The following APBA1 variants were observed in gnomAD, a reference collection of about 807,000 sequenced individuals.
The protein encoded by APBA1 is amyloid-beta A4 precursor protein-binding family A member 1.
In APBA1, 55 loss-of-function variants were observed where a neutral mutation model predicts 86.6. The ratio of observed to expected loss-of-function variants is 0.64; its 90% confidence interval spans 0.51 to 0.80. The LOEUF (loss-of-function observed/expected upper bound fraction) is 0.80. Among genes scored for constraint, APBA1 ranks in the 30% least tolerant of loss-of-function variants. The pLI is 0.00. For missense variants in APBA1, 1,090 were observed against 1,183.0 expected (o/e 0.92, Z 1.15); for synonymous variants, 511 against 493.9 (o/e 1.03, Z -0.46).
At chr9:69,577,373 A>C (rs950720749) in intron 1 of APBA1, among the ~76,000 whole-genome samples, 3 of 152,184 alleles carry the variant, frequency 2.0e-5, no homozygotes, top group African/African-American at 7.2e-5. Flanking sequence ...AAAACTAGGA[A>C]GCTCTGGACT....
chr9:69,468,502 A>T (rs1392073764), intron 4 of APBA1, among the ~76,000 whole-genome samples: 2 of 152,226 alleles, frequency 1.3e-5, no homozygotes, highest in Non-Finnish European at 2.9e-5. Flanking sequence ...GAAAAATAGG[A>T]TATCTGTTTC....
intron 2 of APBA1, among the ~76,000 whole-genome samples, chr9:69,506,478 G>A (rs1257596261): frequency 1.2e-5 from 1 of 86,572 alleles, no homozygotes; most frequent in Non-Finnish European, 2.3e-5. Flanking sequence ...CAAGGCAGCA[G>A]CGAGGCTCGG....
At chr9:69,588,083 T>C (rs543627280) in intron 1 of APBA1, among the ~76,000 whole-genome samples, 1 of 147,650 alleles carries the variant, frequency 6.8e-6, no homozygotes, top group Non-Finnish European at 1.5e-5. Flanking sequence ...GTGAGGTAGG[T>C]GAAAGAAGCA....
intron 1 of APBA1, among the ~76,000 whole-genome samples, chr9:69,596,077 T>C (rs571830606): frequency 6.6e-6 from 1 of 152,270 alleles, no homozygotes; most frequent in African/African-American, 2.4e-5. Flanking sequence ...AATCTTTAAC[T>C]CTTTGGCTCA....
At chr9:69,580,117 C>T (rs1356428335) in intron 1 of APBA1, among the ~76,000 whole-genome samples, 1 of 152,202 alleles carries the variant, frequency 6.6e-6, no homozygotes, top group Non-Finnish European at 1.5e-5. Flanking sequence ...AAGCTGTGGT[C>T]TGTGTCCTTG....
chr9:69,533,957 T>C (rs1410077623), intron 1 of APBA1, among the ~76,000 whole-genome samples: 1 of 152,066 alleles, frequency 6.6e-6, no homozygotes, highest in Non-Finnish European at 1.5e-5. Context: ...CCCACCATAA[T>C]CCCAATGGAT....
intron 1 of APBA1, among the ~76,000 whole-genome samples, chr9:69,600,117 G>A (rs971515778): frequency 2.0e-5 from 3 of 152,156 alleles, no homozygotes; most frequent in Admixed American, 6.5e-5. Flanking sequence ...CAGGAAGAGA[G>A]GCTATTTCAA....
intron 5 of APBA1, among the ~76,000 whole-genome samples, chr9:69,466,453 G>C (rs1273681551): frequency 1.3e-5 from 2 of 152,200 alleles, no homozygotes; most frequent in African/African-American, 2.4e-5. Context: ...GTCACTTACT[G>C]TTCCTTTCTA....
chr9:69,638,543 T>C (rs144567722), intron 1 of APBA1, among the ~76,000 whole-genome samples: 2 of 152,254 alleles, frequency 1.3e-5, no homozygotes, highest in African/African-American at 4.8e-5. Flanking sequence ...GTGCATACTT[T>C]ATAAAGTGAA....
At chr9:69,540,631 G>C (rs1197086042) in intron 1 of APBA1, among the ~76,000 whole-genome samples, 1 of 152,046 alleles carries the variant, frequency 6.6e-6, no homozygotes, top group Non-Finnish European at 1.5e-5. Context: ...ACAGGGTCTC[G>C]CTCTGTCACT....
intron 2 of APBA1, among the ~76,000 whole-genome samples, chr9:69,491,174 T>C (rs1457227419): frequency 6.6e-6 from 1 of 152,102 alleles, no homozygotes; most frequent in Admixed American, 6.5e-5. Flanking sequence ...ATTGTGGCAC[T>C]ATTCACAATA....
intron 1 of APBA1, among the ~76,000 whole-genome samples, chr9:69,534,761 C>G (rs1194716957): frequency 1.3e-5 from 2 of 152,120 alleles, no homozygotes; most frequent in African/African-American, 2.4e-5. Flanking sequence ...AGGGGCTCTT[C>G]TAATTCTTCT....
At chr9:69,593,518 G>A (rs552264436) in intron 1 of APBA1, among the ~76,000 whole-genome samples, 58 of 152,220 alleles carry the variant, frequency 3.8e-4, no homozygotes, top group Non-Finnish European at 7.1e-4. Context: ...AAGACCCTGA[G>A]GGAGTGAGAG....
chr9:69,512,168 A>T (rs1422320866), intron 2 of APBA1, among the ~76,000 whole-genome samples: 1 of 152,174 alleles, frequency 6.6e-6, no homozygotes, highest in South Asian at 2.1e-4. Context: ...GGATTGGGAG[A>T]TACTTCTCAG....
At chr9:69,448,407 A>G (rs1588289574) in intron 10 of APBA1, among the ~76,000 whole-genome samples, 1 of 152,258 alleles carries the variant, frequency 6.6e-6, no homozygotes, top group Non-Finnish European at 1.5e-5. Context: ...TTTAACGTGT[A>G]TTAAGCAAGA....
chr9:69,531,052 T>G (rs935558463), intron 1 of APBA1, among the ~76,000 whole-genome samples: 1 of 152,294 alleles, frequency 6.6e-6, no homozygotes, highest in African/African-American at 2.4e-5. Context: ...ATTCAAAATA[T>G]TATTTCAACA....
At chr9:69,535,047 C>T (rs1412718710) in intron 1 of APBA1, among the ~76,000 whole-genome samples, 1 of 152,168 alleles carries the variant, frequency 6.6e-6, no homozygotes, top group Non-Finnish European at 1.5e-5. Context: ...CTGTCAACTA[C>T]AATTTTACTT....
intron 1 of APBA1, among the ~76,000 whole-genome samples, chr9:69,567,056 T>C (rs1441206474): frequency 6.6e-6 from 1 of 152,138 alleles, no homozygotes; most frequent in Non-Finnish European, 1.5e-5. Context: ...TACACTTCAG[T>C]ACTGTTTGAA....
chr9:69,432,734 G>T (rs969857540), intron 11 of APBA1, 58 bp from the exon 12 acceptor site: 4 of 1,400,312 alleles, frequency 2.9e-6, no homozygotes, highest in Non-Finnish European at 2.8e-6. Flanking sequence ...GGGCTGGAAG[G>T]CCGTCTTTCC....
Sources: allele counts gnomAD v4.1 joint callset (sites outside exome capture counted in the v4.1 genomes callset), GRCh38; gene constraint gnomAD v4.1.1; transcripts MANE v1.5; gene names NCBI Gene and HGNC (gene_info 2026-07-23, HGNC 2026-07-21).